The following SIDT1 variants were observed in gnomAD, a reference collection of about 807,000 sequenced individuals.
SIDT1 encodes the protein SID1 transmembrane family member 1.
Under a neutral mutation model 107.5 loss-of-function variants are expected in SIDT1, and 101 were observed. The ratio of observed to expected loss-of-function variants is 0.94; its 90% CI spans 0.80 to 1.11. The LOEUF is 1.11. SIDT1 is among the 50% of genes least tolerant of loss of function. SIDT1 has a pLI of 0.00. For synonymous variants in SIDT1, 395 were observed against 398.2 expected (o/e 0.99, Z 0.10); for missense variants, 1,076 against 1,058.2 (o/e 1.02, Z -0.23).
intron 4 of SIDT1, among the ~76,000 whole-genome samples, chr3:113,577,419 G>C (rs541941837): frequency 6.6e-6 from 1 of 152,118 alleles, no homozygotes; most frequent in Admixed American, 6.5e-5. Flanking sequence ...GAAATACAAC[G>C]AAAATAAGAC....
At chr3:113,611,403 C>G (rs1181542583) in intron 18 of SIDT1, among the ~76,000 whole-genome samples, 1 of 152,200 alleles carries the variant, frequency 6.6e-6, no homozygotes, top group Non-Finnish European at 1.5e-5. Flanking sequence ...ATGATCTCAG[C>G]TCACCGCAAC....
intron 14 of SIDT1, 145 bp downstream of exon 14, chr3:113,605,121 CCT>C: frequency 3.1e-6 from 1 of 326,812 alleles, no homozygotes; most frequent in Non-Finnish European, 5.0e-6. Context: ...ACTATTGCTT[CCT>C]CTTTTTTTTT....
chr3:113,573,153 T>C (rs1289719709), intron 3 of SIDT1, among the ~76,000 whole-genome samples: 2 of 152,128 alleles, frequency 1.3e-5, no homozygotes, highest in African/African-American at 4.8e-5. Context: ...ACTCCTACAG[T>C]GATGTCAGAA....
At position 113,592,984 on chromosome 3, in the gene SIDT1, TG is replaced by T; in HGVS notation, c.1002-20del. ...TGAGGTTTTCACTGTCTTAGGAGCA[TG>T]TGTATGTGCTTGTTTGCAGGTTTCA... On this transcript the variant is annotated intron_variant, in intron 9 of 24. Coordinates refer to ENST00000264852, the MANE Select transcript of SIDT1 (RefSeq NM_017699.3). The T allele has an allele frequency of 6.3e-7, 1 of 1,597,036 alleles. No homozygotes were observed. Among genetic ancestry groups the T allele is most frequent in the Non-Finnish European group, 8.6e-7 (1 of 1,164,384 alleles).
rs114957802 is a variant in SIDT1, at chr3:113,584,407, C to A, written c.836-291C>A. Reference sequence around the variant, plus strand: ...GTGGATATCAGGGGAAGGGTCCACCCCTCTTCATTGGAGAAGGGAGGCCGC... The same window carrying A: ...GTGGATATCAGGGGAAGGGTCCACCACTCTTCATTGGAGAAGGGAGGCCGC... On this transcript the variant is annotated intron_variant, in intron 7 of 24. Transcript: ENST00000264852. Among the ~76,000 whole-genome samples, 533 of 152,310 alleles carry A rather than the reference C, an allele frequency of 3.5e-3. 1 individual carries two copies. The highest frequency in any genetic ancestry group is 6.4e-3 in the Non-Finnish European group (434 of 68,022).
At chr3:113,573,466 T>C (rs1404865242) in intron 3 of SIDT1, among the ~76,000 whole-genome samples, 1 of 152,192 alleles carries the variant, frequency 6.6e-6, no homozygotes, top group African/African-American at 2.4e-5. Flanking sequence ...AAACTGAAGC[T>C]ATCATAAGGG....
At chr3:113,550,726 GT>G (rs916821572) in intron 1 of SIDT1, among the ~76,000 whole-genome samples, 2 of 151,916 alleles carry the variant, frequency 1.3e-5, no homozygotes, top group Non-Finnish European at 2.9e-5. Context: ...ATTTTTTTAA[GT>G]TTTTTTCTTG....
At chr3:113,556,644 C>T (rs1301498998) in intron 1 of SIDT1, among the ~76,000 whole-genome samples, 1 of 151,670 alleles carries the variant, frequency 6.6e-6, no homozygotes. Context: ...TGGGCTCAGC[C>T]AAGGGAACAC....
downstream of SIDT1, among the ~76,000 whole-genome samples, chr3:113,629,818 G>A (rs930002921): frequency 3.9e-5 from 6 of 152,318 alleles, no homozygotes; most frequent in African/African-American, 1.4e-4. Flanking sequence ...TTCTGATCAC[G>A]TCTGTCTTGT....
In SIDT1 at chr3:113,612,388, C is replaced by A. The variant is rs955000572; in HGVS notation, c.1966+194C>A. On this transcript the variant is annotated intron_variant, in intron 19 of 24. Coordinates refer to ENST00000264852, the MANE Select transcript of SIDT1 (RefSeq NM_017699.3). ...TTATAGGATAGTGATAAGCTATTAC[C>A]CCTAGTTCTATTTTCAGCTGAGAAA... 4.6e-6 allele frequency: 3 copies of A among 647,758 alleles called. No individual in the cohort carries two copies. In the African/African-American group the frequency reaches 5.4e-5, roughly 12 times the overall value. The allele number at this position is 647,758 out of a possible 1,614,324, so 40.1% of individuals were successfully genotyped here.
intron 3 of SIDT1, among the ~76,000 whole-genome samples, chr3:113,570,620 C>A (rs562487353): frequency 1.3e-5 from 2 of 152,228 alleles, no homozygotes; most frequent in African/African-American, 4.8e-5. Context: ...AGCAACCAGA[C>A]TTTAAGAGCA....
chr3:113,576,486 G>A lies in SIDT1; in HGVS notation c.516-436G>A, dbSNP rs73854365. Among the ~76,000 whole-genome samples, 671 of 152,114 alleles carry A rather than the reference G, an allele frequency of 4.4e-3. 2 individuals are homozygous for A. Among genetic ancestry groups the A allele is most frequent in the African/African-American group, 0.016 (646 of 41,502 alleles). The stretch of plus-strand genomic sequence containing the variant: ...GGTAAAAGGTGACCCATTTTGCCAT[G>A]GGTCTATCAAAATTATTTTGAAATG... On this transcript the variant is annotated intron_variant, in intron 3 of 24. Coordinates refer to ENST00000264852, the MANE Select transcript of SIDT1 (RefSeq NM_017699.3).
intron 1 of SIDT1, among the ~76,000 whole-genome samples, chr3:113,554,110 T>G (rs1940581325): frequency 6.6e-6 from 1 of 152,094 alleles, no homozygotes; most frequent in Non-Finnish European, 1.5e-5. Context: ...AGAAAATGAT[T>G]AGCTCTTGGA....
intron 1 of SIDT1, among the ~76,000 whole-genome samples, chr3:113,545,114 T>TAAAAAAAAAAAA (rs554009768): frequency 3.4e-4 from 25 of 73,972 alleles, no homozygotes; most frequent in African/African-American, 1.2e-3. Flanking sequence ...GAGACTCTGT[T>TAAAAAAAAAAAA]AAAAAAAAAA....
At chr3:113,551,011 G>A (rs554237235) in intron 1 of SIDT1, among the ~76,000 whole-genome samples, 7 of 152,218 alleles carry the variant, frequency 4.6e-5, no homozygotes, top group African/African-American at 1.4e-4. Flanking sequence ...GAGAACATGC[G>A]GTATTTGGTT....
chr3:113,538,385 T>A (rs1405399051), intron 1 of SIDT1, among the ~76,000 whole-genome samples: 1 of 152,164 alleles, frequency 6.6e-6, no homozygotes, highest in Non-Finnish European at 1.5e-5. Context: ...GGTGGTAAGT[T>A]GTGTGATGGA....
Position 113,533,179 on chromosome 3 carries a change from G to A in SIDT1, c.158G>A (p.Ser53Asn), listed in dbSNP as rs957564252. 4 of 1,579,038 alleles carry A rather than the reference G, an allele frequency of 2.5e-6. No homozygotes were observed. The highest frequency in any genetic ancestry group is 2.8e-5 in the African/African-American group (2 of 72,302). Residue 53 changes from serine to asparagine, a missense_variant, in exon 1 of 25, where the codon AGC (serine) becomes AAC (asparagine). Coordinates refer to ENST00000264852, the MANE Select transcript of SIDT1 (RefSeq NM_017699.3). ...ARGADFDHVY[S>N]GVVNLSTENI... ...GGCGCCGATTTCGATCATGTCTACA[G>A]CGGGGTGGTGAACCTCAGCACCGAG...
chr3:113,599,819 A>G lies in SIDT1; in HGVS notation c.1046-1769A>G, dbSNP rs1323466396. 2.0e-5 allele frequency among the ~76,000 whole-genome samples: 3 copies of G among 152,210 alleles called. No homozygotes were observed. In the South Asian group the frequency reaches 6.2e-4, roughly 31 times the overall value. ...ATAAGTCTAGTATACAGTAGGAAGAATATATATAGTTAATAATATTGCATT... is the reference window on the plus strand; with the variant it reads ...ATAAGTCTAGTATACAGTAGGAAGAGTATATATAGTTAATAATATTGCATT... On this transcript the variant is annotated intron_variant, in intron 10 of 24. Coordinates refer to ENST00000264852, the MANE Select transcript of SIDT1 (RefSeq NM_017699.3).
At chr3:113,537,119 G>A (rs1454394306) in intron 1 of SIDT1, among the ~76,000 whole-genome samples, 1 of 152,104 alleles carries the variant, frequency 6.6e-6, no homozygotes, top group Non-Finnish European at 1.5e-5. Flanking sequence ...CTAACCACTG[G>A]GCAACAGGCT....
Sources: gnomAD v4.1 joint callset for allele counts (sites outside exome capture counted in the v4.1 genomes callset) on GRCh38, gnomAD v4.1.1 for gene constraint, MANE v1.5 for transcripts, NCBI Gene and HGNC (gene_info 2026-07-23, HGNC 2026-07-21) for gene names.